Variants in ZCCHC7 observed in about 807,000 individuals in gnomAD.
ZCCHC7 encodes the protein zinc finger CCHC-type containing 7.
A neutral mutation model predicts 52.0 loss-of-function variants in ZCCHC7; 35 were observed. The ratio of observed to expected loss-of-function variants is 0.67; its 90% CI spans 0.51 to 0.89. The LOEUF is 0.89. Among genes scored for constraint, ZCCHC7 ranks in the 40% least tolerant of loss-of-function variants. ZCCHC7 has a pLI of 0.00. For missense variants in ZCCHC7, 574 were observed against 649.1 expected, an observed-to-expected ratio of 0.88 and a Z score of 1.26; for synonymous variants, 217 against 221.5, an observed-to-expected ratio of 0.98 and a Z score of 0.18.
intron 4 of ZCCHC7, among the ~76,000 whole-genome samples, chr9:37,304,665 A>AT (rs1482113414): frequency 6.6e-6 from 1 of 152,018 alleles, no homozygotes; most frequent in African/African-American, 2.4e-5. Context: ...CAGAAAAAAA[A>AT]AAAAAATCTC....
chr9:37,135,770 A>G (rs1009057951), intron 2 of ZCCHC7, among the ~76,000 whole-genome samples: 1 of 152,214 alleles, frequency 6.6e-6, no homozygotes, highest in Non-Finnish European at 1.5e-5. Flanking sequence ...AACTGAAGTA[A>G]AATTATGGCT....
chr9:37,177,792 C>T (rs192590217), intron 2 of ZCCHC7, among the ~76,000 whole-genome samples: 15 of 152,048 alleles, frequency 9.9e-5, no homozygotes, highest in African/African-American at 3.4e-4. Context: ...AAACAAATCC[C>T]AATTTGGGAC....
At chr9:37,177,772 G>GA (rs938022932) in intron 2 of ZCCHC7, among the ~76,000 whole-genome samples, 2 of 152,082 alleles carry the variant, frequency 1.3e-5, no homozygotes, top group African/African-American at 4.8e-5. Flanking sequence ...CTAACCATGA[G>GA]AAAGACATCA....
intron 2 of ZCCHC7, among the ~76,000 whole-genome samples, chr9:37,259,274 CAA>C (rs1307680912): frequency 6.6e-6 from 1 of 152,040 alleles, no homozygotes; most frequent in East Asian, 1.9e-4. Flanking sequence ...TAAGTAAACA[CAA>C]ATTCAAAATT....
intron 2 of ZCCHC7, among the ~76,000 whole-genome samples, chr9:37,266,956 A>G (rs147027187): frequency 6.2e-4 from 94 of 152,256 alleles, no homozygotes; most frequent in African/African-American, 2.2e-3. Flanking sequence ...TGCATACTGA[A>G]TTTTTGGGAA....
intron 2 of ZCCHC7, among the ~76,000 whole-genome samples, chr9:37,130,649 C>A (rs1253423960): frequency 1.3e-5 from 2 of 151,728 alleles, no homozygotes; most frequent in Non-Finnish European, 2.9e-5. Context: ...CCTGCCACCA[C>A]GCCTGGCTAA....
chr9:37,199,519 C>T (rs1010576732), intron 2 of ZCCHC7, among the ~76,000 whole-genome samples: 12 of 151,246 alleles, frequency 7.9e-5, no homozygotes, highest in Admixed American at 5.9e-4. Context: ...TTTTACTAGA[C>T]ACAGGGTTTC....
At chr9:37,175,847 G>A (rs989357314) in intron 2 of ZCCHC7, among the ~76,000 whole-genome samples, 3 of 152,092 alleles carry the variant, frequency 2.0e-5, no homozygotes, top group Non-Finnish European at 2.9e-5. Context: ...CATATGATCT[G>A]ACCAGCCTTT....
intron 6 of ZCCHC7, among the ~76,000 whole-genome samples, chr9:37,337,415 C>CA (rs1491434907): frequency 9.4e-5 from 10 of 106,794 alleles, no homozygotes; most frequent in East Asian, 3.6e-4. Flanking sequence ...CCCCCCCCCC[C>CA]AAAAAAAATG....
intron 2 of ZCCHC7, among the ~76,000 whole-genome samples, chr9:37,172,687 G>T (rs1468973767): frequency 6.6e-6 from 1 of 152,194 alleles, no homozygotes; most frequent in African/African-American, 2.4e-5. Flanking sequence ...AGGGACTTGA[G>T]TGAACAATGT....
At chr9:37,267,830 G>A (rs1000202868) in intron 2 of ZCCHC7, among the ~76,000 whole-genome samples, 4 of 151,924 alleles carry the variant, frequency 2.6e-5, no homozygotes, top group South Asian at 2.1e-4. Flanking sequence ...CGGCCTCCCA[G>A]AGTGCTGAGA....
At chr9:37,196,535 A>G (rs1823297193) in intron 2 of ZCCHC7, among the ~76,000 whole-genome samples, 1 of 152,202 alleles carries the variant, frequency 6.6e-6, no homozygotes, top group African/African-American at 2.4e-5. Flanking sequence ...TTATTATAGT[A>G]GAACCTATTC....
At chr9:37,256,953 A>G (rs1180639655) in intron 2 of ZCCHC7, among the ~76,000 whole-genome samples, 1 of 152,132 alleles carries the variant, frequency 6.6e-6, no homozygotes, top group Admixed American at 6.6e-5. Flanking sequence ...ACCCTCATAG[A>G]TTCTTCATTG....
chr9:37,307,835 T>TA (rs1829401076), intron 5 of ZCCHC7, among the ~76,000 whole-genome samples: 1 of 152,196 alleles, frequency 6.6e-6, no homozygotes, highest in Non-Finnish European at 1.5e-5. Context: ...CTTAAATTGT[T>TA]ACCCATTTTT....
intron 2 of ZCCHC7, among the ~76,000 whole-genome samples, chr9:37,191,419 C>T (rs1357939432): frequency 1.1e-4 from 17 of 151,482 alleles, no homozygotes; most frequent in East Asian, 7.7e-4. Context: ...TATTTCTTAC[C>T]TTTTTGTACT....
At chr9:37,216,429 C>CT (rs1417211817) in intron 2 of ZCCHC7, among the ~76,000 whole-genome samples, 1 of 152,212 alleles carries the variant, frequency 6.6e-6, no homozygotes, top group East Asian at 1.9e-4. Context: ...AATCCTAGCA[C>CT]TTTAGGAGGC....
At chr9:37,122,916 G>A (rs1048486840) in intron 1 of ZCCHC7, among the ~76,000 whole-genome samples, 1 of 152,250 alleles carries the variant, frequency 6.6e-6, no homozygotes, top group African/African-American at 2.4e-5. Context: ...TCACCTGGGG[G>A]ACAGAACGAG....
chr9:37,171,548 G>T (rs956117537), intron 2 of ZCCHC7, among the ~76,000 whole-genome samples: 1 of 152,048 alleles, frequency 6.6e-6, no homozygotes, highest in Non-Finnish European at 1.5e-5. Flanking sequence ...CTCCTGAGTA[G>T]CTGGGACTAC....
chr9:37,220,412 C>T lies in ZCCHC7; in HGVS notation c.611-81776C>T, dbSNP rs547891182. ...AAAAAATTAGCCAGGTATGGTGGTG[C>T]ATGTCTGTAATCCCAGCTACTTGGG... is the stretch of plus-strand genomic sequence containing the variant. On this transcript the variant is annotated intron_variant, in intron 2 of 8. Coordinates refer to ENST00000336755, the MANE Select transcript of ZCCHC7 (RefSeq NM_032226.3). Among the ~76,000 whole-genome samples the T allele has an allele frequency of 2.6e-5, 4 of 152,178 alleles. No homozygotes were observed. In the South Asian group the frequency reaches 8.3e-4, roughly 32 times the overall value.
Sources: gnomAD v4.1 joint callset for allele counts (sites outside exome capture counted in the v4.1 genomes callset) on GRCh38, gnomAD v4.1.1 for gene constraint, MANE v1.5 for transcripts, NCBI Gene and HGNC (gene_info 2026-07-23, HGNC 2026-07-21) for gene names.